Variants in SAMD12 observed in about 807,000 individuals in gnomAD.
SAMD12 encodes sterile alpha motif domain containing 12.
A neutral mutation model predicts 15.0 loss-of-function variants in SAMD12; 9 were observed. The observed-to-expected ratio is 0.60, with a 90% confidence interval of 0.36 to 1.05. The LOEUF is 1.05. Ranked by LOEUF, SAMD12 falls within the 50% of genes least tolerant of loss-of-function variation. The pLI, the probability that SAMD12 is intolerant of heterozygous loss-of-function variation, is 0.01. For missense variants in SAMD12, 230 were observed against 234.2 expected (o/e 0.98, Z 0.12); for synonymous variants, 86 against 90.1 (o/e 0.96, Z 0.25).
intron 1 of SAMD12, chr8:118,621,525 C>T (rs2131335994): frequency 2.0e-6 from 1 of 493,162 alleles, no homozygotes; most frequent in Admixed American, 3.4e-5. Flanking sequence ...GGCTTTCCCC[C>T]CATTTCCAGG....
At chr8:118,389,140 T>C (rs1186609504) in intron 3 of SAMD12, among the ~76,000 whole-genome samples, 2 of 152,250 alleles carry the variant, frequency 1.3e-5, no homozygotes, top group Non-Finnish European at 2.9e-5. Context: ...AAGCCTATCA[T>C]GGTGTAAGTG....
At chr8:118,157,590 T>C in the SAMD12 span, among the ~76,000 whole-genome samples, 56 of 152,354 alleles carry the variant, frequency 3.7e-4, no homozygotes, top group Non-Finnish European at 5.3e-4. Context: ...AAAGCCTAAC[T>C]TGTAGTCATG....
rs560233203 is a variant in SAMD12, at chr8:118,298,576, T to C, written c.433+80984A>G. ...CAGCATTTACACTTTTTAAATACAG[T>C]TTGTTGTTTATACAATTTTGAATTG... On this transcript the variant is annotated intron_variant, in intron 4 of 4. Coordinates refer to the SAMD12 transcript ENST00000409003. 5.1e-4 allele frequency among the ~76,000 whole-genome samples: 77 copies of C among 152,340 alleles called. No individual in the cohort carries two copies. In the South Asian group the frequency reaches 0.015, roughly 29 times the overall value.
intron 4 of SAMD12, among the ~76,000 whole-genome samples, chr8:118,219,261 G>C (rs1812031939): frequency 6.6e-6 from 1 of 152,172 alleles, no homozygotes. Flanking sequence ...TTCACATCTA[G>C]ACGCAAATTC....
At chr8:118,317,357 C>A (rs1815971102) in intron 4 of SAMD12, among the ~76,000 whole-genome samples, 2 of 152,182 alleles carry the variant, frequency 1.3e-5, no homozygotes, top group African/African-American at 4.8e-5. Context: ...CAGTTATAGT[C>A]AGAGTAGTCC....
chr8:118,366,655 A>G (rs2130658351), intron 4 of SAMD12, among the ~76,000 whole-genome samples: 1 of 151,908 alleles, frequency 6.6e-6, no homozygotes, highest in South Asian at 2.1e-4. Flanking sequence ...TCTACTAAAA[A>G]TACAAAATTA....
At chr8:118,422,251 A>C (rs1186337308) in intron 3 of SAMD12, among the ~76,000 whole-genome samples, 2 of 152,240 alleles carry the variant, frequency 1.3e-5, no homozygotes, top group African/African-American at 4.8e-5. Context: ...GATAAATCAG[A>C]CACAATTTCT....
chr8:118,500,570 C>T (rs762481013), intron 2 of SAMD12, among the ~76,000 whole-genome samples: 1 of 151,966 alleles, frequency 6.6e-6, no homozygotes, highest in African/African-American at 2.4e-5. Context: ...CTTTGGAAGG[C>T]TGAGACAGGC....
At chr8:118,530,123 T>C (rs1435653174) in intron 2 of SAMD12, among the ~76,000 whole-genome samples, 2 of 152,204 alleles carry the variant, frequency 1.3e-5, no homozygotes, top group African/African-American at 4.8e-5. Flanking sequence ...TCTCTGATGA[T>C]CAGTGGTGAT....
At chr8:118,221,220 A>T (rs1812075595) in intron 4 of SAMD12, among the ~76,000 whole-genome samples, 1 of 152,176 alleles carries the variant, frequency 6.6e-6, no homozygotes, top group Non-Finnish European at 1.5e-5. Flanking sequence ...TCTCCCCAAA[A>T]GTGGTTCAAA....
chr8:118,347,687 C>T (rs988672183), intron 4 of SAMD12, among the ~76,000 whole-genome samples: 3 of 152,184 alleles, frequency 2.0e-5, no homozygotes, highest in African/African-American at 7.2e-5. Context: ...CCTGTTGATA[C>T]AAATGTTCTA....
intron 1 of SAMD12, among the ~76,000 whole-genome samples, chr8:118,615,435 C>G (rs1242843397): frequency 6.6e-6 from 1 of 152,112 alleles, no homozygotes; most frequent in Non-Finnish European, 1.5e-5. Flanking sequence ...TCAGAGTGGG[C>G]TAAGCTCCCT....
At chr8:118,524,301 A>G (rs1172376006) in intron 2 of SAMD12, among the ~76,000 whole-genome samples, 5 of 152,136 alleles carry the variant, frequency 3.3e-5, no homozygotes, top group African/African-American at 1.2e-4. Flanking sequence ...GTAATTAACA[A>G]AGCAAGAACA....
At chr8:118,160,552 A>G in the SAMD12 span, among the ~76,000 whole-genome samples, 2 of 152,244 alleles carry the variant, frequency 1.3e-5, no homozygotes, top group Non-Finnish European at 2.9e-5. Flanking sequence ...ACCAACACAC[A>G]TATGGTCAAC....
chr8:118,183,464 A>G, the SAMD12 span, among the ~76,000 whole-genome samples: 1 of 152,190 alleles, frequency 6.6e-6, no homozygotes, highest in African/African-American at 2.4e-5. Flanking sequence ...GAAGAGTTTA[A>G]GGACCAGTTA....
chr8:118,379,353 A>G lies in SAMD12; in HGVS notation c.*64T>C. On this transcript the variant is annotated 3_prime_UTR_variant, in exon 4 of 4. Coordinates refer to ENST00000314727, the MANE Select transcript of SAMD12 (RefSeq NM_207506.3). Reference sequence around the variant, plus strand: ...CTCAGGTAATTCTGTTTGCTCATCCATTACTTATTTGTGCATCCTTCTCCC... The same window carrying G: ...CTCAGGTAATTCTGTTTGCTCATCCGTTACTTATTTGTGCATCCTTCTCCC... 2 of 1,558,360 alleles carry G rather than the reference A, an allele frequency of 1.3e-6. No individual in the cohort carries two copies. Among genetic ancestry groups the G allele is most frequent in the Non-Finnish European group, 1.7e-6 (2 of 1,155,460 alleles).
chr8:118,235,013 T>C (rs889650064), intron 4 of SAMD12, among the ~76,000 whole-genome samples: 1 of 152,090 alleles, frequency 6.6e-6, no homozygotes, highest in Admixed American at 6.6e-5. Flanking sequence ...TATGTTACAT[T>C]TTAGAATTTT....
At chr8:118,444,635 G>A (rs1395704727) in intron 2 of SAMD12, among the ~76,000 whole-genome samples, 1 of 151,342 alleles carries the variant, frequency 6.6e-6, no homozygotes, top group African/African-American at 2.4e-5. Context: ...TAACTAGAAA[G>A]AACTCTGAAG....
intron 2 of SAMD12, among the ~76,000 whole-genome samples, chr8:118,525,620 A>C (rs780655677): frequency 2.0e-4 from 31 of 152,186 alleles, no homozygotes; most frequent in Non-Finnish European, 3.4e-4. Context: ...CAGTCACTGC[A>C]TGTTTTCACA....
Sources: allele counts gnomAD v4.1 joint callset (sites outside exome capture counted in the v4.1 genomes callset), GRCh38; gene constraint gnomAD v4.1.1; transcripts MANE v1.5; gene names NCBI Gene and HGNC (gene_info 2026-07-23, HGNC 2026-07-21).